ABCB4: variants seen among roughly 807,000 people sequenced by gnomAD.
ABCB4 encodes the protein phosphatidylcholine translocator ABCB4.
In ABCB4, 76 loss-of-function variants were observed where a neutral mutation model predicts 145.7. That is an observed-to-expected ratio of 0.52 (90% CI 0.43 to 0.63). The LOEUF is 0.63. Ranked by LOEUF, ABCB4 falls within the 30% of genes least tolerant of loss-of-function variation. The probability of loss-of-function intolerance (pLI) is 0.00; values close to 1 mark genes in which losing one functional copy is unlikely to be tolerated. For synonymous variants in ABCB4, 517 were observed against 566.8 expected, an observed-to-expected ratio of 0.91 and a Z score of 1.25; for missense variants, 1,234 against 1,553.1, an observed-to-expected ratio of 0.79 and a Z score of 3.45.
chr7:87,398,664 C>T (rs748245354), downstream of ABCB4: 6 of 1,609,190 alleles, frequency 3.7e-6, no homozygotes, highest in Non-Finnish European at 5.1e-6. Flanking sequence ...ATCTATTAAG[C>T]ACTTACCAAA....
In ABCB4 at chr7:87,418,590, T is replaced by A; in HGVS notation, c.2425A>T (p.Ser809Cys). Residue 809 changes from serine to cysteine, a missense_variant, in exon 20 of 28, where the codon AGT becomes TGT. Ser to Cys is a moderately radical substitution (Grantham distance 112). Coordinates refer to ENST00000649586, the MANE Select transcript of ABCB4 (RefSeq NM_000443.4). ...DMSWFDDHKN[S>C]TGALSTRLAT... ...AGTCTTGTAGAAAGTGCACCAGTAC[T>A]GTTTTTATGGTCATCAAACCAGCTC... 6.2e-7 allele frequency: 1 copy of A among 1,614,186 alleles called. No homozygotes were observed. Among genetic ancestry groups the A allele is most frequent in the South Asian group, 1.1e-5 (1 of 91,084 alleles).
chr7:87,375,552 C>G, the ABCB4 span: 1 of 909,362 alleles, frequency 1.1e-6, no homozygotes, highest in Non-Finnish European at 1.7e-6. Flanking sequence ...AAATATTGAT[C>G]AATGTTATGA....
In ABCB4 at chr7:87,422,142, A is replaced by G. The variant is rs371013005; in HGVS notation, c.2295T>C (p.Ser765=). 5 of 1,611,994 alleles carry G rather than the reference A, an allele frequency of 3.1e-6. No homozygotes were observed. The African/African-American group carries it at 6.7e-5, about 22-fold the overall frequency. The change falls in exon 18 of 28, where the codon TCT becomes TCC. Residue 765 remains serine, a synonymous_variant. Transcript: ENST00000649586. ...SLIFLFLGII[S]FFTFFLQGFT... The stretch of plus-strand genomic sequence containing the variant: ...CTACCTGAAGGAAGAAAGTAAAAAA[A>G]GAAATAATTCCCAGAAATAAGAAAA...
intron 12 of ABCB4, among the ~76,000 whole-genome samples, chr7:87,442,103 T>TA (rs1419546029): frequency 6.6e-6 from 1 of 152,130 alleles, no homozygotes; most frequent in African/African-American, 2.4e-5. Flanking sequence ...ATGCTTTCTT[T>TA]AAAAATGTCA....
intron 3 of ABCB4, among the ~76,000 whole-genome samples, chr7:87,468,113 T>A (rs1290927617): frequency 6.6e-6 from 1 of 152,178 alleles, no homozygotes; most frequent in Non-Finnish European, 1.5e-5. Flanking sequence ...AGGAGCTGGT[T>A]TTTTGAAAAG....
intron 5 of ABCB4, among the ~76,000 whole-genome samples, 156 bp from the exon 6 acceptor site, chr7:87,453,291 C>A (rs961202793): frequency 1.3e-5 from 2 of 152,172 alleles, no homozygotes; most frequent in African/African-American, 4.8e-5. Context: ...TCAAGTGATT[C>A]TCCTGCCTCA....
chr7:87,454,384 T>G, intron 5 of ABCB4, 151 bp downstream of exon 5: 4 of 643,410 alleles, frequency 6.2e-6, no homozygotes, highest in Non-Finnish European at 1.1e-5. Context: ...GATGTGTGCA[T>G]CTTACTTTAA....
At chr7:87,373,151 G>A in the ABCB4 span, among the ~76,000 whole-genome samples, 7 of 152,024 alleles carry the variant, frequency 4.6e-5, no homozygotes, top group African/African-American at 1.7e-4. Flanking sequence ...ATGCTAGTAA[G>A]GGTAAAGTGG....
chr7:87,425,210 G>A (rs2116545565), intron 16 of ABCB4, among the ~76,000 whole-genome samples: 1 of 152,046 alleles, frequency 6.6e-6, no homozygotes, highest in South Asian at 2.1e-4. Flanking sequence ...ATGGTACTTG[G>A]GACAATCTTG....
chr7:87,394,667 G>C, the ABCB4 span, among the ~76,000 whole-genome samples: 1 of 151,864 alleles, frequency 6.6e-6, no homozygotes, highest in Non-Finnish European at 1.5e-5. Context: ...CAGCTTTTTG[G>C]TGGGTGCTAT....
chr7:87,423,811 T>C, intron 17 of ABCB4, 95 bp downstream of exon 17: 1 of 1,522,530 alleles, frequency 6.6e-7, no homozygotes. Context: ...TTAAGGCTGC[T>C]TAATCCCAGA....
chr7:87,455,758 A>T (rs2116842096), intron 4 of ABCB4, among the ~76,000 whole-genome samples: 1 of 152,272 alleles, frequency 6.6e-6, no homozygotes, highest in Non-Finnish European at 1.5e-5. Flanking sequence ...CTAGGAGAGA[A>T]ATTGGTCTCT....
chr7:87,462,313 A>T (rs1213095595), intron 4 of ABCB4, among the ~76,000 whole-genome samples: 1 of 152,036 alleles, frequency 6.6e-6, no homozygotes, highest in South Asian at 2.1e-4. Context: ...AATGGGTATA[A>T]TTTTTTTTAA....
At chr7:87,373,761 CT>C in the ABCB4 span, among the ~76,000 whole-genome samples, 1 of 151,872 alleles carries the variant, frequency 6.6e-6, no homozygotes, top group African/African-American at 2.4e-5. Context: ...AAGGGAGAAA[CT>C]TATAAGAGGA....
At chr7:87,432,378 T>A (rs1810301983) in intron 14 of ABCB4, among the ~76,000 whole-genome samples, 1 of 152,234 alleles carries the variant, frequency 6.6e-6, no homozygotes, top group South Asian at 2.1e-4. Context: ...ATCATTAGGA[T>A]GGTTATTAGA....
At chr7:87,411,068 T>C (rs1347844918) in intron 23 of ABCB4, among the ~76,000 whole-genome samples, 1 of 152,100 alleles carries the variant, frequency 6.6e-6, no homozygotes, top group East Asian at 1.9e-4. Context: ...AGCAAACTCA[T>C]CAATTAACCC....
the ABCB4 span, among the ~76,000 whole-genome samples, chr7:87,371,198 TG>T: frequency 1.3e-5 from 2 of 152,238 alleles, no homozygotes; most frequent in Admixed American, 1.3e-4. Flanking sequence ...TCTAGAATTT[TG>T]TGTTGACTTT....
chr7:87,426,907 T>C lies in ABCB4; in HGVS notation c.1907A>G (p.Gln636Arg), dbSNP rs950048660. Residue 636 changes from glutamine to arginine, a missense_variant, in exon 16 of 28, where the codon CAG becomes CGG. Physicochemically the swap from Gln to Arg is conservative, Grantham distance 43. Coordinates refer to ENST00000649586, the MANE Select transcript of ABCB4 (RefSeq NM_000443.4). ...TAGTTCAAATTCTTCTGACTGGATC[T>C]GGCTTCCTGATGTCTGAAAGAATAT... ...KLVNMQTSGSQIQSEEFELND... is the reference protein window; with the variant it reads ...KLVNMQTSGSRIQSEEFELND... 6.2e-7 allele frequency: 1 copy of C among 1,613,608 alleles called. No homozygotes were observed. The highest frequency in any genetic ancestry group is 8.5e-7 in the Non-Finnish European group (1 of 1,179,910).
At chr7:87,382,532 A>C in the ABCB4 span, 2 of 1,613,564 alleles carry the variant, frequency 1.2e-6, no homozygotes, top group African/African-American at 2.7e-5. Flanking sequence ...CCTATTACAG[A>C]CTTCATGGAC....
Sources: allele counts gnomAD v4.1 joint callset (sites outside exome capture counted in the v4.1 genomes callset), GRCh38; gene constraint gnomAD v4.1.1; transcripts MANE v1.5; gene names NCBI Gene and HGNC (gene_info 2026-07-23, HGNC 2026-07-21).